The following NKD1 variants were observed in gnomAD, a reference collection of about 807,000 sequenced individuals.
The protein encoded by NKD1 is NKD inhibitor of Wnt signaling pathway 1.
Under a neutral mutation model 56.0 loss-of-function variants are expected in NKD1, and 21 were observed. The ratio of observed to expected loss-of-function variants is 0.38; its 90% CI spans 0.27 to 0.54. The LOEUF is 0.54. NKD1 is among the 20% of genes least tolerant of loss of function. NKD1 has a pLI of 0.82. For missense variants in NKD1, 578 were observed against 642.7 expected (o/e 0.90, Z 1.09); for synonymous variants, 263 against 265.7 (o/e 0.99, Z 0.10).
chr16:50,566,279 C>T (rs1237778401), intron 3 of NKD1: 1 of 551,084 alleles, frequency 1.8e-6, no homozygotes, highest in Non-Finnish European at 2.3e-6. Context: ...CAAACTATGT[C>T]CCAGGACAGC....
rs1478907116 is a variant in NKD1 at position 50,636,377 on chromosome 16, CATT to C, written c.*2600_*2602del. On this transcript the variant is annotated 3_prime_UTR_variant, in exon 10 of 10. Coordinates refer to ENST00000268459, the MANE Select transcript of NKD1 (RefSeq NM_033119.5). ...ACTGGGACTTGCCCAACTTTAAAAA[CATT>C]ATTTAAAAAAATAGTAATGTGCACA... 6.6e-6 allele frequency: 1 copy of C among 152,232 alleles called. No homozygotes were observed. The highest frequency in any genetic ancestry group is 1.5e-5 in the Non-Finnish European group (1 of 68,038). 9.4% of individuals were successfully genotyped at this position (152,232 alleles called of 1,614,324 possible).
intron 3 of NKD1, among the ~76,000 whole-genome samples, chr16:50,575,952 A>C (rs1261734567): frequency 6.6e-6 from 1 of 152,186 alleles, no homozygotes; most frequent in Non-Finnish European, 1.5e-5. Context: ...TGCAGTGCAC[A>C]GGATGTGCCC....
intron 3 of NKD1, among the ~76,000 whole-genome samples, chr16:50,567,953 A>G (rs1960798210): frequency 6.6e-6 from 1 of 152,264 alleles, no homozygotes; most frequent in African/African-American, 2.4e-5. Flanking sequence ...AACCGCAGAT[A>G]GAGTTACCAA....
rs1281538113 is a variant in NKD1 at position 50,637,878 on chromosome 16, G to A, written c.*4097G>A. The A allele has an allele frequency of 6.6e-6, 1 of 152,208 alleles. No homozygotes were observed. The highest frequency in any genetic ancestry group is 2.4e-5 in the African/African-American group (1 of 41,422). 9.4% of individuals were successfully genotyped at this position (152,208 alleles called of 1,614,324 possible). ...TTCTGCTGATCTGTCACTGGGTACC[G>A]AGGACTGGGTGTGTTTAAGGCAGAC... On this transcript the variant is annotated 3_prime_UTR_variant, in exon 10 of 10. Coordinates refer to ENST00000268459, the MANE Select transcript of NKD1 (RefSeq NM_033119.5).
rs185812938 is a variant in NKD1 at position 50,625,929 on chromosome 16, G to T, written c.462+349G>T. On this transcript the variant is annotated intron_variant, in intron 6 of 9. Coordinates refer to ENST00000268459, the MANE Select transcript of NKD1 (RefSeq NM_033119.5). ...CCTGTCCTGCTTCCCTCTCTCCACA[G>T]TCCCAGAGCTCTAGGGGTGGGGCTG... Among the ~76,000 whole-genome samples, 15 of 152,332 alleles carry T rather than the reference G, an allele frequency of 9.8e-5. No homozygotes were observed. The East Asian group carries it at 2.5e-3, about 25-fold the overall frequency.
chr16:50,549,057 C>T (rs1278352068), intron 2 of NKD1: 3 of 209,888 alleles, frequency 1.4e-5, no homozygotes, highest in African/African-American at 5.0e-5. Context: ...CCTGCCCCCT[C>T]TTCCTGCCCC....
At chr16:50,614,210 CAGAG>C (rs1339775818) in intron 4 of NKD1, among the ~76,000 whole-genome samples, 1 of 152,142 alleles carries the variant, frequency 6.6e-6, no homozygotes, top group Non-Finnish European at 1.5e-5. Flanking sequence ...AGCAGGATCT[CAGAG>C]AGACGGATTT....
chr16:50,607,936 T>C (rs1300708536), intron 3 of NKD1: 1 of 248,742 alleles, frequency 4.0e-6, no homozygotes, highest in East Asian at 9.0e-5. Flanking sequence ...TCAGGTTGGT[T>C]GGGATGAGAT....
chr16:50,566,965 C>T (rs1237693653), intron 3 of NKD1, among the ~76,000 whole-genome samples: 1 of 152,096 alleles, frequency 6.6e-6, no homozygotes, highest in African/African-American at 2.4e-5. Flanking sequence ...TTCAGGGCAC[C>T]TATGGCCCCA....
intron 3 of NKD1, chr16:50,607,552 TG>T (rs1246762005): frequency 1.3e-5 from 2 of 155,988 alleles, no homozygotes; most frequent in African/African-American, 4.8e-5. Flanking sequence ...TTTCCTAAAG[TG>T]GGTTTCTTGG....
rs966401073 is a variant in NKD1, at chr16:50,559,129, G to A, written c.192+9574G>A. 8.5e-5 allele frequency among the ~76,000 whole-genome samples: 13 copies of A among 152,322 alleles called. No individual in the cohort carries two copies. In the East Asian group the frequency reaches 2.5e-3, roughly 29 times the overall value. On this transcript the variant is annotated intron_variant, in intron 3 of 9. Coordinates refer to ENST00000268459, the MANE Select transcript of NKD1 (RefSeq NM_033119.5). ...TTCTCAGTTTTCACATCTGTGGAAT[G>A]GGTAGAGTAATGGTTCCTACCTCAT...
intron 3 of NKD1, among the ~76,000 whole-genome samples, chr16:50,576,048 G>A (rs970985212): frequency 5.3e-5 from 8 of 152,240 alleles, no homozygotes; most frequent in Admixed American, 1.3e-4. Context: ...GGGCTGCAGA[G>A]CCCACCAAGC....
chr16:50,595,044 G>A (rs998628016), intron 3 of NKD1, among the ~76,000 whole-genome samples: 3 of 152,216 alleles, frequency 2.0e-5, no homozygotes, highest in Admixed American at 2.0e-4. Flanking sequence ...GACAGTGCTT[G>A]TGGAGAAACC....
chr16:50,613,649 C>T (rs768773041), intron 4 of NKD1: 1 of 148,658 alleles, frequency 6.7e-6, no homozygotes, highest in Non-Finnish European at 1.5e-5. Context: ...AGTGGAAATT[C>T]TGACTTGTGT....
Position 50,599,928 on chromosome 16 carries a change from A to AT in NKD1, c.193-8360dup, listed in dbSNP as rs200412898. On this transcript the variant is annotated intron_variant, in intron 3 of 9. Transcript: ENST00000268459. ...TTGGGTTTTTTTTCCCCCATTAGTC[A>AT]TTTTTTCTCCATGCTCAGAAATCAC... 5.7e-3 allele frequency among the ~76,000 whole-genome samples: 859 copies of AT among 151,750 alleles called. 4 individuals are homozygous for AT. Among genetic ancestry groups the AT allele is most frequent in the African/African-American group, 0.02 (809 of 41,326 alleles).
intron 6 of NKD1, 96 bp downstream of exon 6, chr16:50,625,676 C>T (rs531370335): frequency 2.3e-5 from 18 of 775,138 alleles, no homozygotes; most frequent in African/African-American, 8.6e-5. Context: ...TCCCCTGCAT[C>T]GGTCCTGCCC....
In NKD1 at chr16:50,633,156, A is replaced by G. The variant is rs1471481862; in HGVS notation, c.824-36A>G. 1 of 1,552,234 alleles carries G rather than the reference A, an allele frequency of 6.4e-7. No homozygotes were observed. The highest frequency in any genetic ancestry group is 2.3e-5 in the East Asian group (1 of 44,310). On this transcript the variant is annotated intron_variant, in intron 9 of 9. Transcript: ENST00000268459. The surrounding 1 kb of genome is among the most constrained non-coding windows in gnomAD (Gnocchi z 4.9). ...TATAGCGCAAGCCCCAGCACACAGT[A>G]GGTGCTCATTAAATGTCTGTTGAAT...
chr16:50,608,422 G>A, intron 4 of NKD1, 62 bp downstream of exon 4: 1 of 1,205,514 alleles, frequency 8.3e-7, no homozygotes, highest in Non-Finnish European at 1.2e-6. Context: ...GTGTTCAGCT[G>A]GCCGTGTGCC....
At chr16:50,564,055 A>G (rs975080712) in intron 3 of NKD1, among the ~76,000 whole-genome samples, 2 of 152,280 alleles carry the variant, frequency 1.3e-5, no homozygotes, top group African/African-American at 2.4e-5. Flanking sequence ...GATTCACAGC[A>G]GGTGGTCATG....
Sources: gnomAD v4.1 joint callset for allele counts (sites outside exome capture counted in the v4.1 genomes callset) on GRCh38, gnomAD v4.1.1 for gene constraint, Gnocchi (gnomAD v3.1) non-coding constraint, MANE v1.5 for transcripts, NCBI Gene and HGNC (gene_info 2026-07-23, HGNC 2026-07-21) for gene names.